GALNT17: variants seen among roughly 807,000 people sequenced by gnomAD.
The protein encoded by GALNT17 is polypeptide N-acetylgalactosaminyltransferase 17.
GALNT17 carries 29 observed loss-of-function variants against 63.7 expected under a neutral mutation model. The ratio of observed to expected loss-of-function variants is 0.46; its 90% CI spans 0.34 to 0.62. The LOEUF (loss-of-function observed/expected upper bound fraction) is 0.62. Ranked by LOEUF, GALNT17 falls within the 20% of genes least tolerant of loss-of-function variation. The pLI is 0.01. For missense variants in GALNT17, 603 were observed against 799.6 expected, an observed-to-expected ratio of 0.75 and a Z score of 2.97; for synonymous variants, 305 against 318.3, an observed-to-expected ratio of 0.96 and a Z score of 0.45.
chr7:71,363,606 G>C (rs1484695297), intron 2 of GALNT17, among the ~76,000 whole-genome samples: 1 of 152,198 alleles, frequency 6.6e-6, no homozygotes, highest in Non-Finnish European at 1.5e-5. Flanking sequence ...TTCAAAACCA[G>C]CCTTCTTTAG....
chr7:71,576,804 G>A (rs1003948378), intron 6 of GALNT17, among the ~76,000 whole-genome samples: 1 of 152,128 alleles, frequency 6.6e-6, no homozygotes, highest in African/African-American at 2.4e-5. Context: ...CTGACCTCAA[G>A]TGATCTGCCC....
chr7:71,335,783 G>T (rs771904306), intron 2 of GALNT17, 50 bp downstream of exon 2: 2 of 1,407,572 alleles, frequency 1.4e-6, no homozygotes, highest in Non-Finnish European at 1.9e-6. Context: ...GTCAGAGTGG[G>T]TGTAGACCCC....
At chr7:71,437,351 C>T (rs1466368552) in intron 5 of GALNT17, among the ~76,000 whole-genome samples, 1 of 152,186 alleles carries the variant, frequency 6.6e-6, no homozygotes, top group African/African-American at 2.4e-5. Context: ...ATTTCTCCCA[C>T]CATCCTGACT....
chr7:71,445,335 C>T (rs1334290491), intron 5 of GALNT17, among the ~76,000 whole-genome samples: 1 of 151,644 alleles, frequency 6.6e-6, no homozygotes, highest in Non-Finnish European at 1.5e-5. Context: ...CTCACCACCA[C>T]GCCCGGCTAA....
chr7:71,668,199 G>A (rs1791014107), intron 7 of GALNT17, among the ~76,000 whole-genome samples: 1 of 152,032 alleles, frequency 6.6e-6, no homozygotes, highest in Non-Finnish European at 1.5e-5. Flanking sequence ...GACAATCTCT[G>A]GTCCCAAATG....
rs111851668 is a variant in GALNT17 at position 71,397,941 on chromosome 7, TTTGTTGTTGTTG to T, written c.589+9567_589+9578del. On this transcript the variant is annotated intron_variant, in intron 3 of 10. Transcript: ENST00000333538. ...TTGATGGTTTTGCTCCATTATTGTC[TTTGTTGTTGTTG>T]TTGTTGTTGTTGTTGTTGTTGTTGT... Among the ~76,000 whole-genome samples, 480 of 150,806 alleles carry T rather than the reference TTTGTTGTTGTTG, an allele frequency of 3.2e-3. 2 individuals are homozygous for T. The highest frequency in any genetic ancestry group is 9.6e-3 in the African/African-American group (395 of 41,038).
At chr7:71,148,575 CT>C (rs1340586802) in intron 1 of GALNT17, among the ~76,000 whole-genome samples, 8 of 152,114 alleles carry the variant, frequency 5.3e-5, no homozygotes, top group South Asian at 2.1e-4. Flanking sequence ...CTCTCTACCC[CT>C]AATACATTCC....
chr7:71,601,717 C>G (rs894386614), intron 6 of GALNT17, among the ~76,000 whole-genome samples: 1 of 152,002 alleles, frequency 6.6e-6, no homozygotes, highest in African/African-American at 2.4e-5. Context: ...CCCAGGAGTT[C>G]AAGGCTGTAA....
At chr7:71,549,380 C>T (rs545399889) in intron 5 of GALNT17, among the ~76,000 whole-genome samples, 1 of 152,192 alleles carries the variant, frequency 6.6e-6, no homozygotes, top group Non-Finnish European at 1.5e-5. Context: ...CCAGCTTAGG[C>T]TACATAGTAA....
In GALNT17 at chr7:71,693,305, C is replaced by CATATATATATATATATAT. The variant is rs1375479092; in HGVS notation, c.1500+16000_1500+16001insTATATATATATATATATA. Among the ~76,000 whole-genome samples, 6 of 126,078 alleles carry CATATATATATATATATAT rather than the reference C, an allele frequency of 4.8e-5. 1 individual carries two copies. The South Asian group carries it at 1.1e-3, about 22-fold the overall frequency. 82.7% of individuals were successfully genotyped at this position (126,078 alleles called of 152,430 possible). A position where few individuals can be genotyped will look rare whatever the true frequency, so the allele number is the denominator to read the frequency against. Reference sequence around the variant, plus strand: ...ACACACACACACACACACACACACACACACATATATATATATGGAGACAAG... The same window carrying CATATATATATATATATAT: ...ACACACACACACACACACACACACACATATATATATATATATATACACATATATATATATGGAGACAAG... On this transcript the variant is annotated intron_variant, in intron 9 of 10. Transcript: ENST00000333538.
intron 9 of GALNT17, among the ~76,000 whole-genome samples, chr7:71,704,311 C>CA (rs1463118806): frequency 1.1e-4 from 17 of 151,648 alleles, no homozygotes; most frequent in South Asian, 4.2e-4. Flanking sequence ...TAAATTTAGC[C>CA]AAAAAAATGC....
At chr7:71,382,189 G>C (rs1792858967) in intron 2 of GALNT17, among the ~76,000 whole-genome samples, 1 of 152,138 alleles carries the variant, frequency 6.6e-6, no homozygotes, top group African/African-American at 2.4e-5. Flanking sequence ...AGACCAGCCT[G>C]GACAACATGG....
intron 1 of GALNT17, among the ~76,000 whole-genome samples, chr7:71,249,349 C>T (rs1439327061): frequency 2.6e-5 from 4 of 152,100 alleles, no homozygotes; most frequent in Non-Finnish European, 5.9e-5. Flanking sequence ...GTGGTCCCCC[C>T]ATTTTACAGA....
At position 71,169,158 on chromosome 7, in the gene GALNT17, C is replaced by T. The variant is rs1278292804; in HGVS notation, c.238+36118C>T. On this transcript the variant is annotated intron_variant, in intron 1 of 10. Coordinates refer to ENST00000333538, the MANE Select transcript of GALNT17 (RefSeq NM_022479.3). ...TCTCCCTCTGTGCAGCTTTCTCCTC[C>T]AAACTCCTTAGTCCTACAGATTCTA... 2.6e-5 allele frequency among the ~76,000 whole-genome samples: 4 copies of T among 152,280 alleles called. No homozygotes were observed. In the East Asian group the frequency reaches 7.7e-4, roughly 29 times the overall value.
rs932152700 is a variant in GALNT17 at position 71,632,951 on chromosome 7, A to G, written c.1081-32460A>G. On this transcript the variant is annotated intron_variant, in intron 6 of 10. Coordinates refer to ENST00000333538, the MANE Select transcript of GALNT17 (RefSeq NM_022479.3). ...AAACCCTGTCTCTACTAAAAATACAAAAACTAGCTGGGCATGGTGGCACAC... is the reference window on the plus strand; with the variant it reads ...AAACCCTGTCTCTACTAAAAATACAGAAACTAGCTGGGCATGGTGGCACAC... 2.0e-4 allele frequency among the ~76,000 whole-genome samples: 30 copies of G among 151,838 alleles called. 2 individuals are homozygous for G.
intron 1 of GALNT17, among the ~76,000 whole-genome samples, chr7:71,168,497 C>T (rs937170955): frequency 2.6e-5 from 4 of 151,766 alleles, no homozygotes; most frequent in South Asian, 2.1e-4. Flanking sequence ...TTTTGAACCC[C>T]GGAGGCGGAT....
At chr7:71,531,060 C>T (rs1405271945) in intron 5 of GALNT17, among the ~76,000 whole-genome samples, 1 of 143,276 alleles carries the variant, frequency 7.0e-6, no homozygotes, top group Admixed American at 7.1e-5. Context: ...ATTTTAATTA[C>T]TTTATATCAA....
At chr7:71,556,635 C>T (rs990417357) in intron 5 of GALNT17, among the ~76,000 whole-genome samples, 1 of 152,168 alleles carries the variant, frequency 6.6e-6, no homozygotes. Context: ...TCTCGGCTCA[C>T]TGCAGCCTCT....
intron 1 of GALNT17, among the ~76,000 whole-genome samples, chr7:71,311,168 A>G (rs1443909673): frequency 2.6e-5 from 4 of 152,190 alleles, no homozygotes; most frequent in East Asian, 3.9e-4. Context: ...TGGGCTTGCT[A>G]TTTGACCAGT....
Sources: gnomAD v4.1 joint callset for allele counts (sites outside exome capture counted in the v4.1 genomes callset) on GRCh38, gnomAD v4.1.1 for gene constraint, MANE v1.5 for transcripts, NCBI Gene and HGNC (gene_info 2026-07-23, HGNC 2026-07-21) for gene names.